LOC131768270: variants seen among roughly 807,000 people sequenced by gnomAD.
At chr5:140,568,927 C>T in the LOC131768270 span, 1 of 167,234 alleles carries the variant, frequency 6.0e-6, no homozygotes, top group Non-Finnish European at 1.5e-5. Flanking sequence ...ACTCTGGGGC[C>T]TGCCCCTGCC....
the LOC131768270 span, chr5:140,565,021 G>A: frequency 2.5e-6 from 1 of 398,504 alleles, no homozygotes; most frequent in East Asian, 3.6e-5. Flanking sequence ...GTGGTGTGGG[G>A]AGAGCATTCG....
At chr5:140,567,068 T>C in the LOC131768270 span, 1 of 1,568,828 alleles carries the variant, frequency 6.4e-7, no homozygotes, top group African/African-American at 1.3e-5. Context: ...TCTGGCAATG[T>C]TCCACGGCTT....
the LOC131768270 span, chr5:140,567,778 A>C: frequency 6.2e-7 from 1 of 1,614,066 alleles, no homozygotes; most frequent in Non-Finnish European, 8.5e-7. Context: ...GCTTGTCGTC[A>C]GTGTACACAG....
the LOC131768270 span, chr5:140,568,343 G>T: frequency 1.8e-5 from 15 of 828,074 alleles, no homozygotes; most frequent in Admixed American, 2.9e-5. Flanking sequence ...GTGAAGTGTG[G>T]GTTTGGTTAA....
chr5:140,565,029 T>G, the LOC131768270 span: 5 of 398,184 alleles, frequency 1.3e-5, no homozygotes, highest in Middle Eastern at 6.2e-4. Flanking sequence ...GGGAGAGCAT[T>G]CGGCGAGGCG....
chr5:140,567,688 A>G, the LOC131768270 span: 1 of 1,614,086 alleles, frequency 6.2e-7, no homozygotes. Flanking sequence ...GTCCCCCTCC[A>G]GCAGCTGCTG....
chr5:140,568,322 C>A, the LOC131768270 span: 1 of 973,272 alleles, frequency 1.0e-6, no homozygotes, highest in Non-Finnish European at 1.5e-6. Context: ...GAAGGGGTAC[C>A]CCTAGGAGAT....
At chr5:140,565,274 ACT>A in the LOC131768270 span, 2 of 187,332 alleles carry the variant, frequency 1.1e-5, no homozygotes, top group Non-Finnish European at 2.2e-5. Context: ...GATCAAAATC[ACT>A]CAGTCCATTT....
the LOC131768270 span, chr5:140,567,276 T>G: frequency 6.2e-7 from 1 of 1,614,174 alleles, no homozygotes; most frequent in African/African-American, 1.3e-5. Flanking sequence ...CATGCCCCAT[T>G]GCTGGCACTG....
chr5:140,566,309 T>TA, the LOC131768270 span, among the ~76,000 whole-genome samples: 1 of 152,204 alleles, frequency 6.6e-6, no homozygotes, highest in Non-Finnish European at 1.5e-5. Context: ...CCGGCAGGGC[T>TA]AGGGGCATCT....
chr5:140,567,182 G>T, the LOC131768270 span: 1 of 1,613,388 alleles, frequency 6.2e-7, no homozygotes, highest in Non-Finnish European at 8.5e-7. Context: ...GAGTGTAGAG[G>T]ATGGGGGTAT....
chr5:140,566,807 G>A, the LOC131768270 span: 406 of 602,186 alleles, frequency 6.7e-4, 1 homozygote, highest in African/African-American at 7.1e-3. Flanking sequence ...TCAGCCTTCA[G>A]GTGGAGACAC....
At chr5:140,565,990 C>G in the LOC131768270 span, 1 of 398,852 alleles carries the variant, frequency 2.5e-6, no homozygotes, top group South Asian at 1.3e-4. Context: ...TGTCCCACCC[C>G]ACCCCTGCCT....
the LOC131768270 span, chr5:140,566,542 T>G: frequency 2.4e-6 from 1 of 412,042 alleles, no homozygotes; most frequent in Admixed American, 4.1e-5. Context: ...TAGCTAAGTT[T>G]CCTTCTGCAT....
chr5:140,568,920 C>G, the LOC131768270 span: 1 of 167,252 alleles, frequency 6.0e-6, no homozygotes, highest in Non-Finnish European at 1.5e-5. Flanking sequence ...GCTTCCCACT[C>G]TGGGGCCTGC....
At chr5:140,568,482 C>G in the LOC131768270 span, 1 of 348,484 alleles carries the variant, frequency 2.9e-6, no homozygotes, top group South Asian at 3.2e-5. Flanking sequence ...CCTGCATGAA[C>G]AGAGTTGATG....
the LOC131768270 span, chr5:140,567,843 A>G: frequency 4.3e-6 from 7 of 1,614,044 alleles, no homozygotes; most frequent in South Asian, 4.4e-5. Context: ...CTCTTCCTCT[A>G]CACTTTTGGT....
At chr5:140,567,517 G>C in the LOC131768270 span, 2 of 1,614,080 alleles carry the variant, frequency 1.2e-6, no homozygotes, top group African/African-American at 1.3e-5. Context: ...GCACCTACCA[G>C]GTGCTGAGTA....
chr5:140,567,827 C>A, the LOC131768270 span: 1 of 1,614,136 alleles, frequency 6.2e-7, no homozygotes, highest in Non-Finnish European at 8.5e-7. Flanking sequence ...CCTGGCACTT[C>A]AGAACCTCTT....
Sources: gnomAD v4.1 joint callset for allele counts (sites outside exome capture counted in the v4.1 genomes callset) on GRCh38, gnomAD v4.1.1 for gene constraint, MANE v1.5 for transcripts.